The following DNAAF11 variants were observed in gnomAD, a reference collection of about 807,000 sequenced individuals.
DNAAF11 encodes the protein leucine rich repeat containing 6.
A neutral mutation model predicts 60.8 loss-of-function variants in DNAAF11; 45 were observed. The observed-to-expected ratio is 0.74, with a 90% CI of 0.58 to 0.95. The LOEUF (loss-of-function observed/expected upper bound fraction) is 0.95, where lower values mean the gene tolerates loss of function less well. DNAAF11 is among the 40% of genes least tolerant of loss of function. The pLI is 0.00. For missense variants in DNAAF11, 546 were observed against 546.2 expected, an observed-to-expected ratio of 1.00 and a Z score of 0.00; for synonymous variants, 191 against 183.5, an observed-to-expected ratio of 1.04 and a Z score of -0.33.
rs143424044 is a variant in DNAAF11, at chr8:132,583,952, C to T, written c.1141-173G>A. Among the ~76,000 whole-genome samples the T allele has an allele frequency of 4.7e-3, 711 of 152,202 alleles. 3 individuals carry two copies. The highest frequency in any genetic ancestry group is 0.016 in the African/African-American group (677 of 41,542). On this transcript the variant is annotated intron_variant, in intron 10 of 11. Transcript: ENST00000620350. ...ATGCAGTGTAGAGAAGGTTATATCA[C>T]GAATTGTATCTGTTGCAAGAGTCTC...
At chr8:132,685,477 A>G in the DNAAF11 span, among the ~76,000 whole-genome samples, 1 of 152,192 alleles carries the variant, frequency 6.6e-6, no homozygotes, top group Admixed American at 6.5e-5. Context: ...TAGTTTTAAA[A>G]TGTTTACTTC....
At chr8:132,604,850 C>T (rs1023210299) in intron 10 of DNAAF11, among the ~76,000 whole-genome samples, 1 of 151,970 alleles carries the variant, frequency 6.6e-6, no homozygotes, top group African/African-American at 2.4e-5. Context: ...AAACTACCAA[C>T]AAAGAAAACC....
chr8:132,675,405 G>C (rs529151622), intron 1 of DNAAF11, 79 bp downstream of exon 1: 497 of 1,463,700 alleles, frequency 3.4e-4, no homozygotes, highest in Admixed American at 4.6e-4. Context: ...GGGCGGGAGC[G>C]GGCGGCGAGG....
At chr8:132,621,930 T>C (rs1440695777) in intron 7 of DNAAF11, among the ~76,000 whole-genome samples, 1 of 152,188 alleles carries the variant, frequency 6.6e-6, no homozygotes, top group Non-Finnish European at 1.5e-5. Context: ...GGATTGTACC[T>C]TCACCATGGT....
intron 11 of DNAAF11, among the ~76,000 whole-genome samples, chr8:132,575,798 T>C (rs1204877598): frequency 6.6e-6 from 1 of 151,912 alleles, no homozygotes; most frequent in Non-Finnish European, 1.5e-5. Flanking sequence ...CTTCAGAGAG[T>C]GAGGTACCCA....
intron 11 of DNAAF11, among the ~76,000 whole-genome samples, chr8:132,582,702 C>T (rs1454029027): frequency 6.6e-6 from 1 of 152,190 alleles, no homozygotes; most frequent in African/African-American, 2.4e-5. Context: ...CAGCAGTTGT[C>T]TTTGAATATA....
intron 10 of DNAAF11, among the ~76,000 whole-genome samples, chr8:132,591,445 T>A (rs959728292): frequency 4.1e-5 from 6 of 147,414 alleles, no homozygotes; most frequent in African/African-American, 1.0e-4. Flanking sequence ...GATAATAAGA[T>A]GAAAAATATA....
At chr8:132,678,682 G>T (rs1485597252), upstream of DNAAF11, among the ~76,000 whole-genome samples, 2 of 151,804 alleles carry the variant, frequency 1.3e-5, no homozygotes, top group African/African-American at 4.8e-5. Flanking sequence ...ACCGTGACTG[G>T]TGCCTAGTGC....
At chr8:132,584,866 T>C (rs1219786123) in intron 10 of DNAAF11, among the ~76,000 whole-genome samples, 1 of 152,210 alleles carries the variant, frequency 6.6e-6, no homozygotes, top group Admixed American at 6.5e-5. Flanking sequence ...TATCATCATC[T>C]GCCTCCCATC....
At position 132,595,347 on chromosome 8, in the gene DNAAF11, G is replaced by GAAAAAAAAAAAAAAAAAAAAAAAAAA. The variant is rs1563992420; in HGVS notation, c.1141-11569_1141-11568insTTTTTTTTTTTTTTTTTTTTTTTTTT. Among the ~76,000 whole-genome samples the GAAAAAAAAAAAAAAAAAAAAAAAAAA allele has an allele frequency of 7.4e-5, 3 of 40,680 alleles. 1 individual carries two copies. Among genetic ancestry groups the GAAAAAAAAAAAAAAAAAAAAAAAAAA allele is most frequent in the African/African-American group, 8.0e-5 (1 of 12,570 alleles). 26.7% of individuals were successfully genotyped at this position (40,680 alleles called of 152,430 possible). A position where few individuals can be genotyped will look rare whatever the true frequency, so the allele number is the denominator to read the frequency against. ...TTCCCGAAAGAGAGAGAGACAGAGG[G>GAAAAAAAAAAAAAAAAAAAAAAAAAA]GAAAAAAAAAAAAAAAAAAAAAAAA... On this transcript the variant is annotated intron_variant, in intron 10 of 11. Coordinates refer to ENST00000620350, the MANE Select transcript of DNAAF11 (RefSeq NM_012472.6).
chr8:132,574,757 A>AT (rs1814567159), intron 11 of DNAAF11, among the ~76,000 whole-genome samples: 1 of 152,176 alleles, frequency 6.6e-6, no homozygotes, highest in African/African-American at 2.4e-5. Flanking sequence ...GTTGAGCCCC[A>AT]TGCTAAGGCC....
chr8:132,597,451 G>A (rs1817133642), intron 10 of DNAAF11, among the ~76,000 whole-genome samples: 1 of 152,168 alleles, frequency 6.6e-6, no homozygotes. Flanking sequence ...GGTGAGATCT[G>A]ACTTACCTTC....
intron 2 of DNAAF11, among the ~76,000 whole-genome samples, chr8:132,659,425 G>A (rs1823907873): frequency 6.6e-6 from 1 of 152,112 alleles, no homozygotes; most frequent in Non-Finnish European, 1.5e-5. Context: ...AAAAATTTAA[G>A]CTTTCTCACA....
chr8:132,671,985 A>C (rs1002453137), intron 1 of DNAAF11, among the ~76,000 whole-genome samples: 1 of 152,182 alleles, frequency 6.6e-6, no homozygotes, highest in Non-Finnish European at 1.5e-5. Flanking sequence ...ATCAAAAGCA[A>C]GATCTATAAA....
At chr8:132,656,065 C>T (rs760833673) in intron 3 of DNAAF11, among the ~76,000 whole-genome samples, 4 of 152,126 alleles carry the variant, frequency 2.6e-5, no homozygotes, top group Admixed American at 6.5e-5. Flanking sequence ...TTACTGTAGC[C>T]ATGCTTATTA....
chr8:132,601,381 T>G (rs1328721013), intron 10 of DNAAF11, among the ~76,000 whole-genome samples: 1 of 152,136 alleles, frequency 6.6e-6, no homozygotes, highest in Admixed American at 6.6e-5. Context: ...TTCAAGGATC[T>G]AGAACTAGAA....
At chr8:132,697,147 G>T in the DNAAF11 span, among the ~76,000 whole-genome samples, 1 of 152,180 alleles carries the variant, frequency 6.6e-6, no homozygotes, top group Admixed American at 6.5e-5. Context: ...GTAGATTAGT[G>T]GTTAGTAGCC....
At chr8:132,609,202 C>T (rs780788343) in intron 10 of DNAAF11, among the ~76,000 whole-genome samples, 11 of 150,384 alleles carry the variant, frequency 7.3e-5, no homozygotes, top group South Asian at 6.2e-4. Context: ...TCTTCAGATG[C>T]TCAAGTCTCC....
chr8:132,670,058 T>A (rs1230319680), intron 1 of DNAAF11, among the ~76,000 whole-genome samples: 1 of 150,484 alleles, frequency 6.6e-6, no homozygotes, highest in Non-Finnish European at 1.5e-5. Context: ...ATAGTAGGAA[T>A]AAAGAAAGGT....
Sources: allele counts gnomAD v4.1 joint callset (sites outside exome capture counted in the v4.1 genomes callset), GRCh38; gene constraint gnomAD v4.1.1; transcripts MANE v1.5; gene names NCBI Gene and HGNC (gene_info 2026-07-23, HGNC 2026-07-21).